Variants in PARD3 observed in about 807,000 individuals in gnomAD.
PARD3 encodes partitioning defective 3 homolog.
In PARD3, 75 loss-of-function variants were observed where a neutral mutation model predicts 155.4. The ratio of observed to expected loss-of-function variants is 0.48; its 90% CI spans 0.40 to 0.58. The LOEUF is 0.58. Ranked by LOEUF, PARD3 falls within the 20% of genes least tolerant of loss-of-function variation. PARD3 has a pLI of 0.00. For synonymous variants in PARD3, 576 were observed against 610.5 expected, an observed-to-expected ratio of 0.94 and a Z score of 0.83; for missense variants, 1,642 against 1,721.7, an observed-to-expected ratio of 0.95 and a Z score of 0.82.
At chr10:34,400,503 G>A (rs1297983058) in intron 6 of PARD3, among the ~76,000 whole-genome samples, 1 of 152,024 alleles carries the variant, frequency 6.6e-6, no homozygotes, top group African/African-American at 2.4e-5. Context: ...GGTCTAAGCA[G>A]TATTTACCTA....
chr10:34,213,837 C>T (rs1951871787), intron 22 of PARD3, among the ~76,000 whole-genome samples: 1 of 152,144 alleles, frequency 6.6e-6, no homozygotes, highest in Non-Finnish European at 1.5e-5. Flanking sequence ...TTCTGTTATA[C>T]ATTTTTCAAC....
intron 1 of PARD3, among the ~76,000 whole-genome samples, chr10:34,783,774 A>G (rs1840585148): frequency 6.6e-6 from 1 of 152,174 alleles, no homozygotes; most frequent in African/African-American, 2.4e-5. Context: ...AGCAAATACT[A>G]TTATTGGCTT....
At chr10:34,473,748 G>C (rs1024612831) in intron 3 of PARD3, among the ~76,000 whole-genome samples, 1 of 152,112 alleles carries the variant, frequency 6.6e-6, no homozygotes, top group Non-Finnish European at 1.5e-5. Context: ...TACTGTTTCC[G>C]TGGTAATAAC....
chr10:34,517,286 T>C, intron 2 of PARD3, 127 bp from the exon 3 acceptor site: 1 of 774,238 alleles, frequency 1.3e-6, no homozygotes, highest in South Asian at 2.6e-5. Flanking sequence ...AATGGTAAGT[T>C]TTACGAAGAA....
At chr10:34,195,849 G>A (rs961893218) in intron 22 of PARD3, among the ~76,000 whole-genome samples, 1 of 152,182 alleles carries the variant, frequency 6.6e-6, no homozygotes, top group African/African-American at 2.4e-5. Flanking sequence ...CTATGAAAAT[G>A]AGGCCAAGCT....
intron 2 of PARD3, among the ~76,000 whole-genome samples, chr10:34,559,728 C>A (rs549122745): frequency 1.3e-5 from 2 of 152,134 alleles, no homozygotes; most frequent in Non-Finnish European, 2.9e-5. Context: ...CAAAGAGACA[C>A]GCAATAAGTG....
At chr10:34,591,237 T>C (rs2134364695) in intron 2 of PARD3, among the ~76,000 whole-genome samples, 1 of 152,148 alleles carries the variant, frequency 6.6e-6, no homozygotes, top group East Asian at 1.9e-4. Flanking sequence ...AATAAATAAA[T>C]CTTACTTTAT....
intron 4 of PARD3, among the ~76,000 whole-genome samples, chr10:34,452,924 CT>C (rs777830638): frequency 1.3e-5 from 2 of 152,132 alleles, no homozygotes; most frequent in Non-Finnish European, 2.9e-5. Flanking sequence ...AACATTTTTG[CT>C]GATTTTGGTC....
At chr10:34,581,396 G>A (rs1345384011) in intron 2 of PARD3, among the ~76,000 whole-genome samples, 5 of 151,634 alleles carry the variant, frequency 3.3e-5, no homozygotes, top group East Asian at 1.9e-4. Flanking sequence ...CACTGCGCCC[G>A]GCTAATTTTT....
At chr10:34,162,776 T>G (rs1367424510) in intron 22 of PARD3, among the ~76,000 whole-genome samples, 1 of 152,102 alleles carries the variant, frequency 6.6e-6, no homozygotes, top group Non-Finnish European at 1.5e-5. Flanking sequence ...TTTGACCTGA[T>G]AGGCTAGAAG....
chr10:34,760,388 G>C (rs1444082059), intron 1 of PARD3, among the ~76,000 whole-genome samples: 1 of 152,164 alleles, frequency 6.6e-6, no homozygotes, highest in Non-Finnish European at 1.5e-5. Context: ...CTGGAGTGCA[G>C]TGGTAGGATC....
At position 34,284,117 on chromosome 10, in the gene PARD3, C is replaced by A; in HGVS notation, c.3176+18G>T. On this transcript the variant is annotated intron_variant, in intron 21 of 24. Transcript: ENST00000374788. ...GAACCTCTTTCTAAGGAGGTTTAATCAAGTAACTGAAGTCTACCTCTCCTG... is the reference window on the plus strand; with the variant it reads ...GAACCTCTTTCTAAGGAGGTTTAATAAAGTAACTGAAGTCTACCTCTCCTG... The A allele has an allele frequency of 1.5e-6, 2 of 1,371,624 alleles. No individual in the cohort carries two copies. 85.0% of individuals were successfully genotyped at this position (1,371,624 alleles called of 1,614,324 possible).
intron 12 of PARD3, among the ~76,000 whole-genome samples, chr10:34,363,046 C>G (rs1373840772): frequency 6.6e-6 from 1 of 152,182 alleles, no homozygotes; most frequent in Non-Finnish European, 1.5e-5. Flanking sequence ...ATGGACACAC[C>G]TAAGTCTCAT....
intron 2 of PARD3, among the ~76,000 whole-genome samples, chr10:34,648,961 G>C (rs2092926133): frequency 6.6e-6 from 1 of 152,080 alleles, no homozygotes; most frequent in African/African-American, 2.4e-5. Context: ...ATCATCATCA[G>C]TTTTAAATAT....
intron 22 of PARD3, among the ~76,000 whole-genome samples, chr10:34,230,344 C>T (rs1352403079): frequency 6.6e-6 from 1 of 152,130 alleles, no homozygotes; most frequent in East Asian, 1.9e-4. Context: ...CCATCATCCC[C>T]TTCTACCTCT....
chr10:34,575,707 C>T lies in PARD3; in HGVS notation c.223-58548G>A, dbSNP rs555238725. Among the ~76,000 whole-genome samples the T allele has an allele frequency of 2.6e-5, 4 of 151,966 alleles. No individual in the cohort carries two copies. In the South Asian group the frequency reaches 8.4e-4, roughly 32 times the overall value. Reference sequence around the variant, plus strand: ...GGTCAGGAGTTCGAGACCAGCCTGGCCAACATCGTGAAACCCCATCTCTAT... The same window carrying T: ...GGTCAGGAGTTCGAGACCAGCCTGGTCAACATCGTGAAACCCCATCTCTAT... On this transcript the variant is annotated intron_variant, in intron 2 of 24. Transcript: ENST00000374788.
intron 1 of PARD3, among the ~76,000 whole-genome samples, chr10:34,742,677 G>A (rs527729852): frequency 5.0e-4 from 76 of 152,350 alleles, no homozygotes; most frequent in African/African-American, 1.7e-3. Flanking sequence ...CCTGTACTGC[G>A]TGGAGGCTTT....
At chr10:34,185,541 C>G (rs891547196) in intron 22 of PARD3, among the ~76,000 whole-genome samples, 24 of 151,296 alleles carry the variant, frequency 1.6e-4, no homozygotes, top group African/African-American at 5.8e-4. Context: ...TTTCTTTTTT[C>G]TGTTCATGGG....
At chr10:34,424,838 G>T (rs1342235411) in intron 5 of PARD3, among the ~76,000 whole-genome samples, 1 of 152,192 alleles carries the variant, frequency 6.6e-6, no homozygotes, top group Admixed American at 6.6e-5. Context: ...TGAGCAAAAA[G>T]ACCTATTACA....
Sources: gnomAD v4.1 joint callset for allele counts (sites outside exome capture counted in the v4.1 genomes callset) on GRCh38, gnomAD v4.1.1 for gene constraint, MANE v1.5 for transcripts, NCBI Gene and HGNC (gene_info 2026-07-23, HGNC 2026-07-21) for gene names.